The following ULK4 variants were observed in gnomAD, a reference collection of about 807,000 sequenced individuals.
ULK4 encodes unc-51 like kinase 4.
In ULK4, 133 loss-of-function variants were observed where a neutral mutation model predicts 160.6. That is an observed-to-expected ratio of 0.83 (90% CI 0.72 to 0.96). The LOEUF is 0.96. ULK4 is among the 40% of genes least tolerant of loss of function. ULK4 has a pLI of 0.00. For synonymous variants in ULK4, 534 were observed against 539.8 expected (o/e 0.99, Z 0.15); for missense variants, 1,580 against 1,499.5 (o/e 1.05, Z -0.89).
intron 18 of ULK4, among the ~76,000 whole-genome samples, chr3:41,823,838 A>C (rs902913758): frequency 6.6e-6 from 1 of 152,124 alleles, no homozygotes; most frequent in African/African-American, 2.4e-5. Context: ...TCATCCCTTT[A>C]TTCAAATAGC....
At chr3:41,457,217 C>T (rs1006460314) in intron 33 of ULK4, among the ~76,000 whole-genome samples, 5 of 152,140 alleles carry the variant, frequency 3.3e-5, no homozygotes, top group African/African-American at 7.2e-5. Context: ...TGCAAATCAG[C>T]AATGAGGCAG....
chr3:41,466,765 T>C (rs549370835), intron 32 of ULK4, among the ~76,000 whole-genome samples: 2 of 152,288 alleles, frequency 1.3e-5, no homozygotes, highest in African/African-American at 4.8e-5. Flanking sequence ...TACATGTATA[T>C]ATGTATGTGT....
chr3:41,325,354 T>A (rs2080321082), intron 35 of ULK4, among the ~76,000 whole-genome samples: 1 of 152,190 alleles, frequency 6.6e-6, no homozygotes, highest in Admixed American at 6.5e-5. Context: ...AAAAAACTTT[T>A]CAAAACCTAA....
At chr3:41,254,402 A>G (rs1185611117) in intron 35 of ULK4, among the ~76,000 whole-genome samples, 1 of 152,250 alleles carries the variant, frequency 6.6e-6, no homozygotes, top group Non-Finnish European at 1.5e-5. Flanking sequence ...CAAGGGTTAA[A>G]GAGGACATTC....
rs563641017 is a variant in ULK4 at position 41,287,891 on chromosome 3, T to C, written c.3679-38317A>G. On this transcript the variant is annotated intron_variant, in intron 35 of 36. Transcript: ENST00000301831. ...TCTTACAGTTCACCAAGGTTACACA[T>C]GGGGACATTTGAGGATAGGGTGGGC... Among the ~76,000 whole-genome samples the C allele has an allele frequency of 4.9e-4, 75 of 152,326 alleles. 1 individual carries two copies. Among genetic ancestry groups the C allele is most frequent in the African/African-American group, 1.6e-3 (65 of 41,566 alleles).
At chr3:41,715,629 T>C (rs988394976) in intron 23 of ULK4, 61 bp from the exon 24 acceptor site, 2 of 1,605,206 alleles carry the variant, frequency 1.2e-6, no homozygotes, top group African/African-American at 1.3e-5. Context: ...TAGGAGCCAC[T>C]GGTCATTGCT....
At chr3:41,635,598 AAAT>A (rs940857783) in intron 30 of ULK4, among the ~76,000 whole-genome samples, 4 of 152,172 alleles carry the variant, frequency 2.6e-5, no homozygotes, top group Non-Finnish European at 4.4e-5. Context: ...CCAATCTCTA[AAAT>A]AATAGCTACC....
intron 35 of ULK4, among the ~76,000 whole-genome samples, chr3:41,322,462 C>T (rs533113245): frequency 1.8e-4 from 28 of 152,274 alleles, no homozygotes; most frequent in African/African-American, 6.0e-4. Context: ...CGTATGGATT[C>T]GCTGCTGCTA....
chr3:41,491,249 T>C (rs985109072), intron 32 of ULK4, among the ~76,000 whole-genome samples: 7 of 152,130 alleles, frequency 4.6e-5, no homozygotes, highest in African/African-American at 1.4e-4. Context: ...TTCAAAGTAA[T>C]TGCCATAAAA....
chr3:41,687,825 T>C (rs1310624732), intron 27 of ULK4: 2 of 152,220 alleles, frequency 1.3e-5, no homozygotes, highest in Non-Finnish European at 2.9e-5. Context: ...TTCCTGATAA[T>C]GTACTTGACA....
chr3:41,537,561 G>A (rs2086546259), intron 32 of ULK4, among the ~76,000 whole-genome samples: 1 of 152,184 alleles, frequency 6.6e-6, no homozygotes, highest in Non-Finnish European at 1.5e-5. Context: ...AGTAGACCAT[G>A]CTGATACCTT....
chr3:41,832,543 A>AT (rs1217482298), intron 18 of ULK4, among the ~76,000 whole-genome samples: 3 of 152,136 alleles, frequency 2.0e-5, no homozygotes, highest in African/African-American at 7.2e-5. Context: ...CTTTAGTTTA[A>AT]TTAGATCCCA....
At chr3:41,869,930 T>C (rs1335591236) in intron 17 of ULK4, among the ~76,000 whole-genome samples, 1 of 152,234 alleles carries the variant, frequency 6.6e-6, no homozygotes, top group Non-Finnish European at 1.5e-5. Flanking sequence ...TACTCATTTT[T>C]TTCCTTATTT....
At chr3:41,258,946 T>C (rs2078889636) in intron 35 of ULK4, among the ~76,000 whole-genome samples, 1 of 149,714 alleles carries the variant, frequency 6.7e-6, no homozygotes, top group Non-Finnish European at 1.5e-5. Context: ...TCTACATCTG[T>C]TGAATATATA....
chr3:41,771,147 TTGCG>T (rs1444792718), intron 21 of ULK4, among the ~76,000 whole-genome samples: 1 of 152,220 alleles, frequency 6.6e-6, no homozygotes, highest in East Asian at 1.9e-4. Flanking sequence ...CCCTACTCCC[TTGCG>T]TGCCTAAATC....
At chr3:41,279,255 TAA>T (rs771175184) in intron 35 of ULK4, among the ~76,000 whole-genome samples, 6 of 43,074 alleles carry the variant, frequency 1.4e-4, no homozygotes, top group Admixed American at 2.3e-4. Flanking sequence ...AAAAAAAGAG[TAA>T]AAAAAAAAAA....
intron 32 of ULK4, among the ~76,000 whole-genome samples, chr3:41,533,793 A>G (rs545298824): frequency 6.6e-6 from 1 of 152,326 alleles, no homozygotes; most frequent in Admixed American, 6.5e-5. Context: ...GAAATAGAAG[A>G]GAGCTAGAAA....
At position 41,420,328 on chromosome 3, in the gene ULK4, C is replaced by T. The variant is rs74838353; in HGVS notation, c.3493-22064G>A. Among the ~76,000 whole-genome samples, 202 of 151,942 alleles carry T rather than the reference C, an allele frequency of 1.3e-3. 3 individuals carry two copies. In the East Asian group the frequency reaches 0.038, roughly 29 times the overall value. ...CCTGGCACATCTGTGATTTCATTTA[C>T]ATCATATTTTATGTTTTCAAATTTT... On this transcript the variant is annotated intron_variant, in intron 34 of 36. Coordinates refer to ENST00000301831, the MANE Select transcript of ULK4 (RefSeq NM_017886.4).
At chr3:41,540,064 T>C (rs1451174765) in intron 32 of ULK4, among the ~76,000 whole-genome samples, 2 of 152,120 alleles carry the variant, frequency 1.3e-5, no homozygotes, top group South Asian at 4.1e-4. Flanking sequence ...GAAAACAGTG[T>C]TTTTTATTTA....
Sources: gnomAD v4.1 joint callset for allele counts (sites outside exome capture counted in the v4.1 genomes callset) on GRCh38, gnomAD v4.1.1 for gene constraint, MANE v1.5 for transcripts, NCBI Gene and HGNC (gene_info 2026-07-23, HGNC 2026-07-21) for gene names.